RAF1: variants seen among roughly 807,000 people sequenced by gnomAD.
The protein encoded by RAF1 is Raf-1 proto-oncogene, serine/threonine kinase.
A neutral mutation model predicts 81.1 loss-of-function variants in RAF1; 27 were observed. The observed-to-expected ratio is 0.33, with a 90% CI of 0.25 to 0.46. The LOEUF is 0.46. Ranked by LOEUF, RAF1 falls within the 20% of genes least tolerant of loss-of-function variation. RAF1 has a pLI of 1.00. For synonymous variants in RAF1, 298 were observed against 294.0 expected (o/e 1.01, Z -0.14); for missense variants, 598 against 826.0 (o/e 0.72, Z 3.38).
chr3:12,611,420 A>G (rs764695161), intron 3 of RAF1, among the ~76,000 whole-genome samples: 9 of 152,086 alleles, frequency 5.9e-5, no homozygotes, highest in Non-Finnish European at 1.3e-4. Flanking sequence ...GGCCTTCGCT[A>G]TGTGCCCAGG....
chr3:12,610,156 T>C (rs551920979), intron 3 of RAF1, among the ~76,000 whole-genome samples: 2 of 152,226 alleles, frequency 1.3e-5, no homozygotes, highest in Admixed American at 6.5e-5. Context: ...TCCTTTCTTA[T>C]GTTTTATCCA....
intron 8 of RAF1, among the ~76,000 whole-genome samples, chr3:12,601,162 A>G (rs2058850644): frequency 6.6e-6 from 1 of 152,270 alleles, no homozygotes; most frequent in South Asian, 2.1e-4. Context: ...AATCACAGAA[A>G]GCTGGAAAGA....
At chr3:12,595,769 T>G (rs1211380959) in intron 11 of RAF1, among the ~76,000 whole-genome samples, 1 of 152,168 alleles carries the variant, frequency 6.6e-6, no homozygotes, top group Non-Finnish European at 1.5e-5. Flanking sequence ...GAACTGGGAC[T>G]GCCACTCCAT....
rs2059447055 is a variant in RAF1, at chr3:12,618,548, G to A, written c.174C>T (p.Ile58=). 2 of 1,614,094 alleles carry A rather than the reference G, an allele frequency of 1.2e-6. No individual in the cohort carries two copies. Among genetic ancestry groups the A allele is most frequent in the South Asian group, 1.1e-5 (1 of 91,088 alleles). Residue 58 remains isoleucine, a synonymous_variant, in exon 2 of 18, where the codon ATC becomes ATT. Transcript: ENST00000442415. Reference sequence around the variant, plus strand: ...TTTGCTTGTTCGGCAAGAAAACACGGATAGTGTTGCTTGTCTTAGAAGGAT... The same window carrying A: ...TTTGCTTGTTCGGCAAGAAAACACGAATAGTGTTGCTTGTCTTAGAAGGAT...
intron 8 of RAF1, among the ~76,000 whole-genome samples, chr3:12,601,560 G>A (rs2058863078): frequency 6.6e-6 from 1 of 152,024 alleles, no homozygotes; most frequent in South Asian, 2.1e-4. Context: ...TTTTTGGGGG[G>A]AAGTCCTACT....
At chr3:12,621,215 TCA>T (rs1471293328) in intron 1 of RAF1, among the ~76,000 whole-genome samples, 2 of 152,170 alleles carry the variant, frequency 1.3e-5, no homozygotes, top group Admixed American at 1.3e-4. Flanking sequence ...GAGAAAATTC[TCA>T]CACACACAGC....
At chr3:12,656,472 C>G (rs1007121832) in intron 1 of RAF1, among the ~76,000 whole-genome samples, 20 of 152,094 alleles carry the variant, frequency 1.3e-4, no homozygotes, top group African/African-American at 1.2e-4. Context: ...TTACAAAGTT[C>G]TAAGTTTGAA....
At chr3:12,662,844 C>T (rs1314412761) in intron 1 of RAF1, among the ~76,000 whole-genome samples, 2 of 152,098 alleles carry the variant, frequency 1.3e-5, no homozygotes, top group Non-Finnish European at 2.9e-5. Context: ...TCTTATCACA[C>T]TGCATTGTTT....
rs189189098 is a variant in RAF1 at position 12,588,099 on chromosome 3, C to T, written c.1431-462G>A. 3.3e-4 allele frequency: 51 copies of T among 152,866 alleles called. No homozygotes were observed. In the East Asian group the frequency reaches 9.8e-3, roughly 29 times the overall value. The allele number at this position is 152,866 out of a possible 1,614,324, so 9.5% of individuals were successfully genotyped here. ...GGATTACAGGCATGGGCCCCTGGCG[C>T]CTGACCATTGCTGACACTTCTTCAA... On this transcript the variant is annotated intron_variant, in intron 13 of 17. Coordinates refer to ENST00000442415, the MANE Select transcript of RAF1 (RefSeq NM_001354689.3).
rs761625215 is a variant in RAF1 at position 12,604,232 on chromosome 3, T to G, written c.738A>C (p.Ser246=). The change falls in exon 7 of 18, where the codon TCA becomes TCC. Residue 246 remains serine (S), a synonymous_variant. Transcript: ENST00000442415. ...GCCTCTGGGAGAGGGAACCTTCAGA[T>G]GAGGGACTGGAGGTGTTAAAGGTGA... 2.5e-6 allele frequency: 4 copies of G among 1,614,076 alleles called. No homozygotes were observed. In the East Asian group the frequency reaches 8.9e-5, roughly 36 times the overall value.
chr3:12,585,341 A>G (rs1472573758), intron 15 of RAF1, 88 bp from the exon 15 acceptor site: 1 of 1,590,184 alleles, frequency 6.3e-7, no homozygotes, highest in African/African-American at 1.3e-5. Flanking sequence ...CCCTTTCATT[A>G]GTTATGAATG....
At chr3:12,628,723 A>G (rs146010683) in intron 1 of RAF1, among the ~76,000 whole-genome samples, 1,246 of 123,236 alleles carry the variant, frequency 0.01, 12 homozygotes, top group Middle Eastern at 0.016. Context: ...TTCTATTCAT[A>G]TAAGTATGAT....
intron 6 of RAF1, among the ~76,000 whole-genome samples, chr3:12,605,887 T>G (rs181551571): frequency 6.6e-6 from 1 of 152,194 alleles, no homozygotes; most frequent in African/African-American, 2.4e-5. Flanking sequence ...ACCCTTTCCA[T>G]TGAGGTTGAA....
rs1343484701 is a variant in RAF1 at position 12,614,253 on chromosome 3, T to G, written c.208-2191A>C. Among the ~76,000 whole-genome samples the G allele has an allele frequency of 2.6e-5, 4 of 152,212 alleles. No individual in the cohort carries two copies. In the East Asian group the frequency reaches 7.7e-4, roughly 29 times the overall value. ...AAATTAGCATTCTTTAAAAGTTTCT[T>G]GTACATACCAAAATAGTTCAGACAA... On this transcript the variant is annotated intron_variant, in intron 2 of 17. Transcript: ENST00000442415.
intron 1 of RAF1, among the ~76,000 whole-genome samples, chr3:12,636,627 C>T (rs531764981): frequency 1.3e-5 from 2 of 151,710 alleles, no homozygotes; most frequent in East Asian, 1.9e-4. Flanking sequence ...GGCAACATGG[C>T]GAAACCCCTT....
chr3:12,662,673 T>G (rs2060916427), intron 1 of RAF1, among the ~76,000 whole-genome samples: 1 of 152,056 alleles, frequency 6.6e-6, no homozygotes, highest in South Asian at 2.1e-4. Flanking sequence ...GCTCTAAGCC[T>G]TTGTACCAGC....
chr3:12,597,231 C>A (rs2454437), intron 11 of RAF1, among the ~76,000 whole-genome samples: 62,971 of 152,046 alleles, frequency 0.41, 13,721 homozygotes, highest in African/African-American at 0.5. Flanking sequence ...CAAGTTATCT[C>A]CATTCTAATA....
At chr3:12,606,979 C>T (rs904942117) in intron 5 of RAF1, among the ~76,000 whole-genome samples, 2 of 152,216 alleles carry the variant, frequency 1.3e-5, no homozygotes, top group Non-Finnish European at 2.9e-5. Context: ...GCGTGAGCCA[C>T]CGCGCCCGGC....
At chr3:12,663,489 A>G (rs752742947) in intron 1 of RAF1, among the ~76,000 whole-genome samples, 4 of 152,204 alleles carry the variant, frequency 2.6e-5, no homozygotes, top group Non-Finnish European at 5.9e-5. Flanking sequence ...TCCAAGTGAC[A>G]ACAGATATGG....
Sources: allele counts gnomAD v4.1 joint callset (sites outside exome capture counted in the v4.1 genomes callset), GRCh38; gene constraint gnomAD v4.1.1; transcripts MANE v1.5; gene names NCBI Gene and HGNC (gene_info 2026-07-23, HGNC 2026-07-21).